The following CABLES1 variants were observed in gnomAD, a reference collection of about 807,000 sequenced individuals.
CABLES1 encodes the protein CDK5 and ABL1 enzyme substrate 1.
In CABLES1, 36 loss-of-function variants were observed where a neutral mutation model predicts 57.8. The observed-to-expected ratio is 0.62, with a 90% confidence interval of 0.48 to 0.82. The LOEUF (loss-of-function observed/expected upper bound fraction) is 0.82. CABLES1 is among the 40% of genes least tolerant of loss of function. The pLI is 0.00. For missense variants in CABLES1, 767 were observed against 836.6 expected, an observed-to-expected ratio of 0.92 and a Z score of 1.03; for synonymous variants, 374 against 363.0, an observed-to-expected ratio of 1.03 and a Z score of -0.35.
chr18:23,134,931 GCTTTA>G (rs1473303302), upstream of CABLES1, among the ~76,000 whole-genome samples: 3 of 152,158 alleles, frequency 2.0e-5, no homozygotes, highest in African/African-American at 7.2e-5. Flanking sequence ...GTTAGCGATA[GCTTTA>G]CGGTGGGACA....
At chr18:23,166,439 G>A (rs1454379893) in intron 1 of CABLES1, among the ~76,000 whole-genome samples, 1 of 152,140 alleles carries the variant, frequency 6.6e-6, no homozygotes, top group African/African-American at 2.4e-5. Context: ...CTGACCTTAG[G>A]TGATCTGCCC....
At chr18:23,156,103 G>T in intron 1 of CABLES1, 5 of 859,212 alleles carry the variant, frequency 5.8e-6, no homozygotes, top group Non-Finnish European at 9.2e-6. Context: ...GGCCAGCAGC[G>T]GGGGCTGGAG....
Position 23,156,014 on chromosome 18 carries a change from C to G in CABLES1, c.845+19407C>G, listed in dbSNP as rs927149765. 95 of 1,570,720 alleles carry G rather than the reference C, an allele frequency of 6.0e-5. 3 individuals are homozygous for G. The highest frequency in any genetic ancestry group is 4.9e-4 in the South Asian group (44 of 90,026). On this transcript the variant is annotated intron_variant, in intron 1 of 9. Coordinates refer to ENST00000256925, the MANE Select transcript of CABLES1 (RefSeq NM_001100619.3). ...GCTGAGTCTGTTTTTTTGGCTCCCC[C>G]CTTTGGATGCTGACGGTCTTTGTTG...
At chr18:23,188,549 G>GTC in intron 1 of CABLES1, among the ~76,000 whole-genome samples, 1 of 152,244 alleles carries the variant, frequency 6.6e-6, no homozygotes, top group East Asian at 1.9e-4. Context: ...GTCTTTGTGT[G>GTC]TGTGTGTGTG....
Position 23,177,418 on chromosome 18 carries a change from TACAC to T in CABLES1, c.846-11387_846-11384del, listed in dbSNP as rs10692529. On this transcript the variant is annotated intron_variant, in intron 1 of 9. Transcript: ENST00000256925. ...AAGGTGCTATGTGTGAGCACATGTGTACACACACACACACACACACACACACACA... is the reference window on the plus strand; with the variant it reads ...AAGGTGCTATGTGTGAGCACATGTGTACACACACACACACACACACACACA... Among the ~76,000 whole-genome samples, 737 of 144,728 alleles carry T rather than the reference TACAC, an allele frequency of 5.1e-3. 4 individuals carry two copies. Among genetic ancestry groups the T allele is most frequent in the African/African-American group, 9.0e-3 (353 of 39,182 alleles). 94.9% of individuals were successfully genotyped at this position (144,728 alleles called of 152,430 possible).
At position 23,250,857 on chromosome 18, in the gene CABLES1, T is replaced by G. The variant is rs562505968; in HGVS notation, c.1447-2103T>G. Among the ~76,000 whole-genome samples, 7 of 152,348 alleles carry G rather than the reference T, an allele frequency of 4.6e-5. No individual in the cohort carries two copies. The South Asian group carries it at 1.0e-3, about 23-fold the overall frequency. ...ACAGGTCTGGTGGAATTGTTGGAGT[T>G]AATATTGCTGTGCTTTGCCTTTATT... On this transcript the variant is annotated intron_variant, in intron 7 of 9. Coordinates refer to ENST00000256925, the MANE Select transcript of CABLES1 (RefSeq NM_001100619.3).
intron 1 of CABLES1, among the ~76,000 whole-genome samples, chr18:23,183,520 C>G (rs1292392824): frequency 1.3e-5 from 2 of 152,206 alleles, no homozygotes; most frequent in Non-Finnish European, 2.9e-5. Context: ...AGGAGGCTGC[C>G]TTACGCATGA....
At chr18:23,134,939 G>A (rs1320411526), upstream of CABLES1, among the ~76,000 whole-genome samples, 1 of 152,100 alleles carries the variant, frequency 6.6e-6, no homozygotes, top group Non-Finnish European at 1.5e-5. Flanking sequence ...TAGCTTTACG[G>A]TGGGACAGTC....
Position 23,253,820 on chromosome 18 carries a change from G to C in CABLES1, c.1645G>C (p.Ala549Pro), listed in dbSNP as rs758005604. 3 of 1,614,114 alleles carry C rather than the reference G, an allele frequency of 1.9e-6. No individual in the cohort carries two copies. The highest frequency in any genetic ancestry group is 2.7e-5 in the African/African-American group (2 of 74,942). ...GGCCTTCGTCTACTTTGAAAAGCTC[G>C]CCCTCAAGGGGAAACTCAACAAACA... The part of the protein sequence containing the change: ...AMAFVYFEKL[A>P]LKGKLNKQNR... Residue 549 changes from alanine to proline, a missense_variant, in exon 9 of 10, where the codon GCC becomes CCC. Around this residue, in one of 4 missense-constraint regions of CABLES1, gnomAD observed 529 missense variants for 622.8 expected, o/e 0.85. Coordinates refer to ENST00000256925, the MANE Select transcript of CABLES1 (RefSeq NM_001100619.3).
At position 23,254,080 on chromosome 18, in the gene CABLES1, A is replaced by AGGCTTC; in HGVS notation, c.1761+144_1761+145insGGCTTC. 3 of 671,182 alleles carry AGGCTTC rather than the reference A, an allele frequency of 4.5e-6. No homozygotes were observed. In the South Asian group the frequency reaches 5.5e-5, roughly 12 times the overall value. The allele number at this position is 671,182 out of a possible 1,614,324, so 41.6% of individuals were successfully genotyped here. On this transcript the variant is annotated intron_variant, in intron 9 of 9. Coordinates refer to ENST00000256925, the MANE Select transcript of CABLES1 (RefSeq NM_001100619.3). Reference sequence around the variant, plus strand: ...AGGTGAAGGCTATGAAGTCTTTCCCATAGTGGGAATAGTCAGGCTATCTTA... The same window carrying AGGCTTC: ...AGGTGAAGGCTATGAAGTCTTTCCCAGGCTTCTAGTGGGAATAGTCAGGCTATCTTA...
At chr18:23,194,681 G>A (rs770990602) in intron 3 of CABLES1, 141 bp downstream of exon 3, 10 of 615,890 alleles carry the variant, frequency 1.6e-5, no homozygotes, top group African/African-American at 9.2e-5. Context: ...AACCTTCCCC[G>A]ACAATTTCCA....
intron 3 of CABLES1, among the ~76,000 whole-genome samples, chr18:23,201,757 C>T (rs2047326818): frequency 6.6e-6 from 1 of 152,160 alleles, no homozygotes; most frequent in African/African-American, 2.4e-5. Context: ...CAGGTTACAT[C>T]CCAATAGGGA....
At chr18:23,257,001 G>A (rs1404910207) in intron 9 of CABLES1, among the ~76,000 whole-genome samples, 2 of 152,218 alleles carry the variant, frequency 1.3e-5, no homozygotes, top group African/African-American at 2.4e-5. Flanking sequence ...GTCATAAGAT[G>A]TATGTGTGGT....
intron 3 of CABLES1, among the ~76,000 whole-genome samples, chr18:23,200,537 C>T (rs1299319540): frequency 1.3e-5 from 2 of 152,230 alleles, no homozygotes; most frequent in South Asian, 2.1e-4. Flanking sequence ...GCTGGGATTA[C>T]AGGCGTGAGC....
At chr18:23,256,311 C>T (rs1012201417) in intron 9 of CABLES1, among the ~76,000 whole-genome samples, 1 of 152,180 alleles carries the variant, frequency 6.6e-6, no homozygotes, top group African/African-American at 2.4e-5. Context: ...CGCAAGATGC[C>T]ACCAGGCTCA....
chr18:23,202,984 CAAA>C (rs34495738), intron 3 of CABLES1, among the ~76,000 whole-genome samples: 27 of 115,240 alleles, frequency 2.3e-4, no homozygotes, highest in African/African-American at 2.8e-4. Flanking sequence ...AAGACTCCAT[CAAA>C]AAAAAAAAAA....
intron 7 of CABLES1, among the ~76,000 whole-genome samples, chr18:23,242,936 TGAAA>T (rs1229072104): frequency 1.3e-5 from 2 of 151,996 alleles, no homozygotes; most frequent in Non-Finnish European, 2.9e-5. Context: ...ATTGACTCAA[TGAAA>T]GAAAGACTAA....
At chr18:23,186,462 G>A (rs57816716) in intron 1 of CABLES1, among the ~76,000 whole-genome samples, 134 of 144,644 alleles carry the variant, frequency 9.3e-4, no homozygotes, top group African/African-American at 3.2e-3. Flanking sequence ...TTTTGCTCTT[G>A]TTGCCCAGGC....
chr18:23,213,760 C>A (rs1316534658), intron 3 of CABLES1, among the ~76,000 whole-genome samples: 1 of 152,200 alleles, frequency 6.6e-6, no homozygotes, highest in Non-Finnish European at 1.5e-5. Flanking sequence ...GCTGGTGTCT[C>A]ACATGTTAAT....
Sources: allele counts gnomAD v4.1 joint callset (sites outside exome capture counted in the v4.1 genomes callset), GRCh38; gene constraint gnomAD v4.1.1; regional missense constraint gnomAD v4.1.1; transcripts MANE v1.5; gene names NCBI Gene and HGNC (gene_info 2026-07-23, HGNC 2026-07-21).